Variants in ASPA observed in about 807,000 individuals in gnomAD.
The protein encoded by ASPA is ACY-2.
A neutral mutation model predicts 29.6 loss-of-function variants in ASPA; 25 were observed. That is an observed-to-expected ratio of 0.85 (90% CI 0.62 to 1.18). ASPA has a LOEUF of 1.18. ASPA is among the 50% of genes most tolerant of loss of function. ASPA has a pLI of 0.00. For missense variants in ASPA, 333 were observed against 385.7 expected, an observed-to-expected ratio of 0.86 and a Z score of 1.14; for synonymous variants, 131 against 130.3, an observed-to-expected ratio of 1.01 and a Z score of -0.04.
intron 5 of ASPA, among the ~76,000 whole-genome samples, chr17:3,496,360 AAAT>A (rs780468971): frequency 4.6e-5 from 7 of 152,218 alleles, no homozygotes; most frequent in Non-Finnish European, 8.8e-5. Flanking sequence ...GAAATACACA[AAAT>A]AATATAGCAG....
intron 1 of ASPA, among the ~76,000 whole-genome samples, chr17:3,477,867 G>A (rs374179184): frequency 6.6e-6 from 1 of 152,084 alleles, no homozygotes; most frequent in African/African-American, 2.4e-5. Context: ...CCCTCAAGGA[G>A]TTGGTAGACT....
At chr17:3,497,802 C>T (rs1034252821) in intron 5 of ASPA, among the ~76,000 whole-genome samples, 7 of 152,158 alleles carry the variant, frequency 4.6e-5, no homozygotes, top group African/African-American at 1.2e-4. Context: ...CTGGGTGATG[C>T]GGATGCTGCT....
At chr17:3,486,563 AC>A (rs1309916010) in intron 3 of ASPA, among the ~76,000 whole-genome samples, 3 of 152,188 alleles carry the variant, frequency 2.0e-5, no homozygotes, top group Admixed American at 6.5e-5. Context: ...ACACTCTCAC[AC>A]ACCCTCTCAA....
At chr17:3,475,853 T>G (rs1221295145), upstream of ASPA, 1 of 348,174 alleles carries the variant, frequency 2.9e-6, no homozygotes. Context: ...AAATGCTAAT[T>G]TATTACTGTA....
intron 4 of ASPA, among the ~76,000 whole-genome samples, chr17:3,491,312 G>C (rs546052236): frequency 6.6e-6 from 1 of 152,186 alleles, no homozygotes; most frequent in East Asian, 1.9e-4. Flanking sequence ...GGGAGGTAAT[G>C]GTCTTTTTTT....
intron 1 of ASPA, among the ~76,000 whole-genome samples, chr17:3,478,845 C>T (rs1329565024): frequency 2.0e-5 from 3 of 152,182 alleles, no homozygotes; most frequent in African/African-American, 7.2e-5. Flanking sequence ...GTGAAAATCA[C>T]CCTAGAACCT....
In ASPA at chr17:3,497,464, G is replaced by T. The variant is rs146100042; in HGVS notation, c.745-1427G>T. Among the ~76,000 whole-genome samples, 9 of 152,296 alleles carry T rather than the reference G, an allele frequency of 5.9e-5. No individual in the cohort carries two copies. In the East Asian group the frequency reaches 9.6e-4, roughly 16 times the overall value. ...TGCGGGTTATATGACTCCATGCTCT[G>T]CAAGTCAGAACTCATAGAACTGCAC... On this transcript the variant is annotated intron_variant, in intron 5 of 5. Transcript: ENST00000263080.
At chr17:3,498,794 C>A in intron 5 of ASPA, 97 bp from the exon 6 acceptor site, 2 of 1,190,592 alleles carry the variant, frequency 1.7e-6, no homozygotes, top group Non-Finnish European at 1.1e-6. Flanking sequence ...TTTAAAACAA[C>A]AGAATACTGT....
intron 1 of ASPA, among the ~76,000 whole-genome samples, chr17:3,477,306 T>G (rs2073542391): frequency 6.6e-6 from 1 of 152,240 alleles, no homozygotes; most frequent in Non-Finnish European, 1.5e-5. Flanking sequence ...GCTTATATTT[T>G]GCTGATTTGT....
Position 3,501,609 on chromosome 17 carries a change from CAT to C in ASPA, c.*2523_*2524del, listed in dbSNP as rs2073990154. 1 of 165,740 alleles carries C rather than the reference CAT, an allele frequency of 6.0e-6. No individual in the cohort carries two copies. Among genetic ancestry groups the C allele is most frequent in the African/African-American group, 2.4e-5 (1 of 41,558 alleles). The allele number at this position is 165,740 out of a possible 1,614,324, so 10.3% of individuals were successfully genotyped here. A position where few individuals can be genotyped will look rare whatever the true frequency, so the allele number is the denominator to read the frequency against. On this transcript the variant is annotated 3_prime_UTR_variant, in exon 6 of 6. Coordinates refer to ENST00000263080, the MANE Select transcript of ASPA (RefSeq NM_000049.4). ...CAAAGGATTTAGAATATTACGTAAA[CAT>C]AGTTGATAAAGCAGCAGCAGGGTTT...
At chr17:3,496,091 G>GT (rs1165698907) in intron 5 of ASPA, among the ~76,000 whole-genome samples, 1 of 152,044 alleles carries the variant, frequency 6.6e-6, no homozygotes, top group African/African-American at 2.4e-5. Context: ...TGGGCTAGTG[G>GT]TAGGTCTCGA....
rs528643312 is a variant in ASPA, at chr17:3,499,267, T to G, written c.*179T>G. 5.5e-5 allele frequency: 30 copies of G among 544,752 alleles called. No homozygotes were observed. Among genetic ancestry groups the G allele is most frequent in the Non-Finnish European group, 8.5e-5 (27 of 318,512 alleles). The allele number at this position is 544,752 out of a possible 1,614,324, so 33.7% of individuals were successfully genotyped here. A position where few individuals can be genotyped will look rare whatever the true frequency, so the allele number is the denominator to read the frequency against. ...TTAATATATCTTTAAAGATATCATA[T>G]TTTATGTATGTAGCTTATTCAAAGA... is the stretch of plus-strand genomic sequence containing the variant. On this transcript the variant is annotated 3_prime_UTR_variant, in exon 6 of 6. Transcript: ENST00000263080.
At chr17:3,491,314 T>C (rs887737000) in intron 4 of ASPA, among the ~76,000 whole-genome samples, 1 of 152,148 alleles carries the variant, frequency 6.6e-6, no homozygotes, top group Admixed American at 6.5e-5. Flanking sequence ...GAGGTAATGG[T>C]CTTTTTTTTC....
chr17:3,489,609 A>C (rs1238894326), intron 4 of ASPA, among the ~76,000 whole-genome samples: 1 of 152,254 alleles, frequency 6.6e-6, no homozygotes, highest in African/African-American at 2.4e-5. Flanking sequence ...ACATATGAAA[A>C]GATGTTCAAC....
intron 2 of ASPA, among the ~76,000 whole-genome samples, chr17:3,482,982 G>C (rs970267243): frequency 4.6e-5 from 6 of 129,178 alleles, no homozygotes; most frequent in Non-Finnish European, 9.4e-5. Flanking sequence ...AAGAGAGAGC[G>C]GAATGCTTTG....
chr17:3,485,397 A>T lies in ASPA; in HGVS notation c.526+1805A>T, dbSNP rs1308019050. Among the ~76,000 whole-genome samples, 1 of 152,190 alleles carries T rather than the reference A, an allele frequency of 6.6e-6. No homozygotes were observed. Among genetic ancestry groups the T allele is most frequent in the East Asian group, 1.9e-4 (1 of 5,192 alleles). ...CCATGCAGGTTCTATAACTATAACC[A>T]TATATAAAATACTAGCCAACCAGGA... is the stretch of plus-strand genomic sequence containing the variant. On this transcript the variant is annotated intron_variant, in intron 3 of 5. Coordinates refer to ENST00000263080, the MANE Select transcript of ASPA (RefSeq NM_000049.4). This position sits in a 1 kb window ranked among gnomAD's most constrained non-coding sequence, Gnocchi z 4.4.
At position 3,476,176 on chromosome 17, in the gene ASPA, T is replaced by G. The variant is rs1365035295; in HGVS notation, c.17T>G (p.Ile6Ser). The G allele has an allele frequency of 1.2e-6, 2 of 1,613,964 alleles. No individual in the cohort carries two copies. The highest frequency in any genetic ancestry group is 3.3e-5 in the Admixed American group (2 of 60,026). The stretch of plus-strand genomic sequence containing the variant: ...CTTGGTGAAATGACTTCTTGTCACA[T>G]TGCTGAAGAACATATACAAAAGGTT... The part of the protein sequence containing the change: MTSCH[I>S]AEEHIQKVAI... Residue 6 changes from isoleucine to serine, a missense_variant, in exon 1 of 6, where the codon ATT becomes AGT. Physicochemically the swap from Ile to Ser is moderately radical, Grantham distance 142. Coordinates refer to ENST00000263080, the MANE Select transcript of ASPA (RefSeq NM_000049.4).
intron 4 of ASPA, among the ~76,000 whole-genome samples, chr17:3,493,583 A>AC (rs1342962064): frequency 6.7e-6 from 1 of 148,852 alleles, no homozygotes; most frequent in Non-Finnish European, 1.5e-5. Flanking sequence ...AAAAAAAAAA[A>AC]GGAAAGAAAA....
chr17:3,480,628 C>T (rs563295684), intron 1 of ASPA, among the ~76,000 whole-genome samples: 1 of 152,282 alleles, frequency 6.6e-6, no homozygotes, highest in South Asian at 2.1e-4. Flanking sequence ...CAGAATCTTG[C>T]GGCCCTCCAG....
Sources: allele counts gnomAD v4.1 joint callset (sites outside exome capture counted in the v4.1 genomes callset), GRCh38; gene constraint gnomAD v4.1.1; non-coding constraint Gnocchi (gnomAD v3.1); transcripts MANE v1.5; gene names NCBI Gene and HGNC (gene_info 2026-07-23, HGNC 2026-07-21).